Variants in HIRA observed in about 807,000 individuals in gnomAD.
HIRA encodes the protein histone cell cycle regulator.
A neutral mutation model predicts 126.6 loss-of-function variants in HIRA; 13 were observed. The ratio of observed to expected loss-of-function variants is 0.10; its 90% CI spans 0.07 to 0.16. The LOEUF is 0.16. Among genes scored for constraint, HIRA ranks in the 10% least tolerant of loss-of-function variants. The pLI is 1.00. For synonymous variants in HIRA, 511 were observed against 520.0 expected (o/e 0.98, Z 0.24); for missense variants, 834 against 1,314.4 (o/e 0.63, Z 5.65).
intron 21 of HIRA, among the ~76,000 whole-genome samples, chr22:19,354,561 T>TC (rs1233133973): frequency 6.6e-6 from 1 of 152,226 alleles, no homozygotes. Context: ...TGGCAGTCCT[T>TC]CCACCTTCTC....
At chr22:19,385,496 T>C (rs2089118415) in intron 12 of HIRA, 25 bp downstream of exon 12, 5 of 1,606,540 alleles carry the variant, frequency 3.1e-6, no homozygotes, top group Non-Finnish European at 3.4e-6. Context: ...TCCATGTCTT[T>C]AGCGCCACCA....
intron 15 of HIRA, among the ~76,000 whole-genome samples, chr22:19,364,646 A>C (rs997478050): frequency 5.9e-5 from 9 of 152,186 alleles, no homozygotes; most frequent in African/African-American, 2.2e-4. Context: ...TGCTGAACTT[A>C]ATCAATAAAT....
chr22:19,370,317 T>C (rs2088953437), intron 15 of HIRA, among the ~76,000 whole-genome samples: 1 of 152,124 alleles, frequency 6.6e-6, no homozygotes, highest in Non-Finnish European at 1.5e-5. Context: ...GATTTCTGCT[T>C]ACTGCAACCT....
intron 3 of HIRA, 96 bp downstream of exon 3, chr22:19,408,387 G>T: frequency 1.3e-6 from 1 of 760,200 alleles, no homozygotes; most frequent in Non-Finnish European, 2.3e-6. Context: ...GGGAGTTACC[G>T]CCGCACGGGG....
At chr22:19,388,638 A>G in intron 9 of HIRA, 84 bp from the exon 10 acceptor site, 2 of 1,038,228 alleles carry the variant, frequency 1.9e-6, no homozygotes, top group South Asian at 2.6e-5. Flanking sequence ...CCAACCTAGA[A>G]GCCTGGGTCA....
At chr22:19,403,434 C>A (rs1051948135) in intron 5 of HIRA, among the ~76,000 whole-genome samples, 32 of 152,088 alleles carry the variant, frequency 2.1e-4, no homozygotes, top group African/African-American at 7.7e-4. Context: ...ACAGTGAAAC[C>A]CTGTCTCTAC....
intron 15 of HIRA, among the ~76,000 whole-genome samples, chr22:19,366,349 G>T (rs964987637): frequency 6.6e-6 from 1 of 152,188 alleles, no homozygotes; most frequent in Non-Finnish European, 1.5e-5. Flanking sequence ...GCGACAGAGC[G>T]AGACTCCGTC....
At chr22:19,396,682 T>G (rs1269789060) in intron 7 of HIRA, 105 bp downstream of exon 7, 1 of 1,183,390 alleles carries the variant, frequency 8.5e-7, no homozygotes, top group Non-Finnish European at 1.2e-6. Flanking sequence ...CTCTGTGCAT[T>G]CCCCAGGTGG....
chr22:19,344,509 T>C (rs2088665662), intron 24 of HIRA, among the ~76,000 whole-genome samples: 1 of 152,014 alleles, frequency 6.6e-6, no homozygotes, highest in Admixed American at 6.5e-5. Flanking sequence ...ACTGAATCAA[T>C]AAAACAAACC....
chr22:19,388,452 TA>T, intron 10 of HIRA, 31 bp downstream of exon 10: 1 of 1,548,432 alleles, frequency 6.5e-7, no homozygotes, highest in Non-Finnish European at 8.9e-7. Flanking sequence ...TCTCCTTTCT[TA>T]ACCTATTCCT....
chr22:19,388,604 C>T, intron 9 of HIRA, 50 bp from the exon 10 acceptor site: 1 of 1,456,430 alleles, frequency 6.9e-7, no homozygotes, highest in African/African-American at 1.4e-5. Context: ...AAATCCCCTT[C>T]TGTATTCAGC....
intron 24 of HIRA, among the ~76,000 whole-genome samples, chr22:19,337,345 GAC>G (rs2088578160): frequency 6.6e-6 from 1 of 151,768 alleles, no homozygotes; most frequent in South Asian, 2.1e-4. Context: ...GGAAATAAAA[GAC>G]ACACTTAGAG....
intron 5 of HIRA, among the ~76,000 whole-genome samples, chr22:19,404,175 T>C (rs1410631628): frequency 6.6e-6 from 1 of 152,256 alleles, no homozygotes; most frequent in Non-Finnish European, 1.5e-5. Flanking sequence ...CTTATTCATT[T>C]ACTTCTGCTT....
In HIRA at chr22:19,394,307, G is replaced by A. The variant is rs1292406264; in HGVS notation, c.822+35C>T. 8 of 1,601,982 alleles carry A rather than the reference G, an allele frequency of 5.0e-6. No individual in the cohort carries two copies. In the African/African-American group the frequency reaches 6.7e-5, roughly 13 times the overall value. On this transcript the variant is annotated intron_variant, in intron 8 of 24. Transcript: ENST00000263208. Reference sequence around the variant, plus strand: ...CAAGAATTAATATTTGCTGAATCTTGGAGCCCATCTCCCTTTAGTTCCCTG... The same window carrying A: ...CAAGAATTAATATTTGCTGAATCTTAGAGCCCATCTCCCTTTAGTTCCCTG...
chr22:19,350,834 C>T (rs367731506), intron 24 of HIRA, among the ~76,000 whole-genome samples: 1 of 152,104 alleles, frequency 6.6e-6, no homozygotes, highest in Non-Finnish European at 1.5e-5. Flanking sequence ...CTCACTTCTA[C>T]TAGGAAACAC....
intron 15 of HIRA, among the ~76,000 whole-genome samples, chr22:19,371,767 T>C (rs1569298657): frequency 6.6e-6 from 1 of 152,222 alleles, no homozygotes; most frequent in Non-Finnish European, 1.5e-5. Context: ...GCATAATGTC[T>C]TTAAGGTTTA....
At chr22:19,363,313 C>G (rs528050010) in intron 15 of HIRA, among the ~76,000 whole-genome samples, 1 of 151,348 alleles carries the variant, frequency 6.6e-6, no homozygotes, top group Non-Finnish European at 1.5e-5. Flanking sequence ...AAGACAAAGA[C>G]AGATTAATAG....
chr22:19,387,844 G>GGGCTCTTGC, intron 10 of HIRA, 28 bp from the exon 11 acceptor site: 1 of 1,552,418 alleles, frequency 6.4e-7, no homozygotes, highest in Non-Finnish European at 8.8e-7. Flanking sequence ...CAGCAGCCTG[G>GGGCTCTTGC]TAGCAAGAGC....
intron 1 of HIRA, among the ~76,000 whole-genome samples, chr22:19,418,079 T>C (rs1350594099): frequency 2.6e-5 from 4 of 152,146 alleles, no homozygotes; most frequent in Admixed American, 6.5e-5. Context: ...TGCCTACGTC[T>C]GAGTTGAGGG....
Sources: allele counts gnomAD v4.1 joint callset (sites outside exome capture counted in the v4.1 genomes callset), GRCh38; gene constraint gnomAD v4.1.1; transcripts MANE v1.5; gene names NCBI Gene and HGNC (gene_info 2026-07-23, HGNC 2026-07-21).